Variants in COL5A3 observed in about 807,000 individuals in gnomAD.
COL5A3 encodes collagen alpha-3(V) chain.
COL5A3 carries 172 observed loss-of-function variants against 250.0 expected under a neutral mutation model. The ratio of observed to expected loss-of-function variants is 0.69; its 90% CI spans 0.61 to 0.78. COL5A3 has a LOEUF of 0.78. Among genes scored for constraint, COL5A3 ranks in the 30% least tolerant of loss-of-function variants. COL5A3 has a pLI of 0.00. For missense variants in COL5A3, 2,340 were observed against 2,334.4 expected (o/e 1.00, Z -0.05); for synonymous variants, 937 against 900.4 (o/e 1.04, Z -0.73).
At position 9,968,744 on chromosome 19, in the gene COL5A3, G is replaced by C. The variant is rs1342896126; in HGVS notation, c.4153-16C>G. On this transcript the variant is annotated splice_polypyrimidine_tract_variant and intron_variant, in intron 57 of 66. Transcript: ENST00000264828. The surrounding 1 kb of genome is among the most constrained non-coding windows in gnomAD (Gnocchi z 4.1). ...CAGAGGGCCCCTGGGAGAAGAGCAA[G>C]GGTCAGTTAGGGATTCTCAAATGTG... 6.2e-7 allele frequency: 1 copy of C among 1,604,928 alleles called. No individual in the cohort carries two copies. The highest frequency in any genetic ancestry group is 8.5e-7 in the Non-Finnish European group (1 of 1,176,434).
Position 9,960,817 on chromosome 19 carries a change from G to A in COL5A3, c.4925C>T (p.Thr1642Ile), listed in dbSNP as rs149242446. ...GGAGTAGGTGAAGTTCTGGCGAGCT[G>A]TGGCACTCAGCAGTTTCAGGAAGTT... ...QLNFLKLLSA[T>I]ARQNFTYSCQ... The change falls in exon 66 of 67, where the codon ACA becomes ATA. Residue 1642 changes from threonine to isoleucine, a missense_variant. Transcript: ENST00000264828. The A allele has an allele frequency of 4.7e-4, 759 of 1,613,402 alleles. 1 individual carries two copies. Among genetic ancestry groups the A allele is most frequent in the Non-Finnish European group, 4.9e-4 (575 of 1,180,048 alleles).
chr19:10,000,385 T>C (rs2087342349), intron 8 of COL5A3, among the ~76,000 whole-genome samples: 1 of 150,618 alleles, frequency 6.6e-6, no homozygotes, highest in Admixed American at 6.6e-5. Context: ...GACTGCAGAT[T>C]GCGGGCTTCC....
chr19:9,978,739 G>T (rs2086961165), intron 40 of COL5A3, 112 bp from the exon 41 acceptor site: 4 of 925,436 alleles, frequency 4.3e-6, no homozygotes, highest in East Asian at 2.9e-5. Context: ...TGGACACTGA[G>T]CTTTGAGGGG....
rs772907552 is a variant in COL5A3, at chr19:9,979,435, A to G, written c.2713-18T>C. The G allele has an allele frequency of 6.2e-7, 1 of 1,613,828 alleles. No homozygotes were observed. Among genetic ancestry groups the G allele is most frequent in the Non-Finnish European group, 8.5e-7 (1 of 1,179,808 alleles). On this transcript the variant is annotated intron_variant, in intron 37 of 66. Coordinates refer to ENST00000264828, the MANE Select transcript of COL5A3 (RefSeq NM_015719.4). ...TGGAAGCCCTAGAGAGAAAAATTAA[A>G]TGTGGGGGCGGTGTTACATGGGGAA... is the stretch of plus-strand genomic sequence containing the variant.
chr19:10,004,030 C>T lies in COL5A3; in HGVS notation c.699+11G>A. The stretch of plus-strand genomic sequence containing the variant: ...GTCCTGAGATTAGGAGTCATGGAGT[C>T]CCTCACTCACCACTGTGGCTGCCGG... On this transcript the variant is annotated intron_variant, in intron 5 of 66. Transcript: ENST00000264828. 6.3e-7 allele frequency: 1 copy of T among 1,598,074 alleles called. No individual in the cohort carries two copies. The highest frequency in any genetic ancestry group is 8.6e-7 in the Non-Finnish European group (1 of 1,165,318).
Position 9,982,943 on chromosome 19 carries a change from C to T in COL5A3, c.2407-825G>A, listed in dbSNP as rs372441949. ...CAATCATAGCTCACTGCAGCTTCAA[C>T]CTTTTGGGCTCAAGTGATCCTCCTA... On this transcript the variant is annotated intron_variant, in intron 31 of 66. Transcript: ENST00000264828. Among the ~76,000 whole-genome samples, 5 of 152,246 alleles carry T rather than the reference C, an allele frequency of 3.3e-5. 1 individual carries two copies. The highest frequency in any genetic ancestry group is 6.5e-5 in the Admixed American group (1 of 15,292).
chr19:9,960,778 G>A lies in COL5A3; in HGVS notation c.4964C>T (p.Ala1655Val). 1 of 1,614,068 alleles carries A rather than the reference G, an allele frequency of 6.2e-7. No homozygotes were observed. The highest frequency in any genetic ancestry group is 8.5e-7 in the Non-Finnish European group (1 of 1,180,038). ...QNFTYSCQNA[A>V]AWLDEATGDY... Reference sequence around the variant, plus strand: ...ACCCGTGGCTTCGTCCAGCCAGGCAGCTGCATTCTGGCAGGAGTAGGTGAA... The same window carrying A: ...ACCCGTGGCTTCGTCCAGCCAGGCAACTGCATTCTGGCAGGAGTAGGTGAA... The change falls in exon 66 of 67, where the codon GCT (alanine) becomes GTT (valine). Residue 1655 changes from alanine to valine, a missense_variant. Physicochemically the swap from Ala to Val is moderately conservative, Grantham distance 64 (BLOSUM62 0). Around this residue, in one of 3 missense-constraint regions of COL5A3, gnomAD observed 1,179 missense variants for 1,162.6 expected, o/e 1.01. Coordinates refer to ENST00000264828, the MANE Select transcript of COL5A3 (RefSeq NM_015719.4).
chr19:9,978,838 C>G (rs1312869790), intron 40 of COL5A3, 53 bp downstream of exon 40: 2 of 1,260,364 alleles, frequency 1.6e-6, no homozygotes, highest in African/African-American at 1.5e-5. Context: ...CCCTGACCCC[C>G]CCATCCTTTC....
At chr19:9,976,077 T>C (rs1599541374) in intron 45 of COL5A3, among the ~76,000 whole-genome samples, 1 of 150,498 alleles carries the variant, frequency 6.6e-6, no homozygotes, top group East Asian at 2.0e-4. Context: ...TCACATTGGG[T>C]GTCAGCATTG....
intron 31 of COL5A3, 46 bp from the exon 32 acceptor site, chr19:9,982,164 T>C: frequency 7.1e-7 from 1 of 1,401,328 alleles, no homozygotes; most frequent in Non-Finnish European, 9.8e-7. Context: ...GAGGAGTGAG[T>C]GGTGGGTGGA....
chr19:9,996,486 G>A lies in COL5A3; in HGVS notation c.1369C>T (p.Pro457Ser). ...TGGGCCTGCTGGAATGAGACTGGGGGGCCTTTAAAGGAGCCGCCTGCAAAC... is the reference window on the plus strand; with the variant it reads ...TGGGCCTGCTGGAATGAGACTGGGGAGCCTTTAAAGGAGCCGCCTGCAAAC... ...FQFAGGSFKG[P>S]PVSFQQAQAQ... The change falls in exon 13 of 67, where the codon CCC becomes TCC. Residue 457 changes from proline (P) to serine (S), a missense_variant. By Grantham distance (74) the Pro-to-Ser change is moderately conservative. Around this residue, in one of 3 missense-constraint regions of COL5A3, gnomAD observed 1,152 missense variants for 1,146.3 expected, o/e 1.00. Coordinates refer to ENST00000264828, the MANE Select transcript of COL5A3 (RefSeq NM_015719.4). The A allele has an allele frequency of 6.2e-7, 1 of 1,614,132 alleles. No homozygotes were observed.
At position 10,003,797 on chromosome 19, in the gene COL5A3, C is replaced by T; in HGVS notation, c.700-83G>A. 4 of 1,564,586 alleles carry T rather than the reference C, an allele frequency of 2.6e-6. 1 individual carries two copies. Among genetic ancestry groups the T allele is most frequent in the South Asian group, 2.3e-5 (2 of 87,914 alleles). ...CAGGTCACCTGGGGTGAGGCTGGCT[C>T]ATGGCCCGTGGGTCCTCACTCAGCC... On this transcript the variant is annotated intron_variant, in intron 5 of 66. Coordinates refer to ENST00000264828, the MANE Select transcript of COL5A3 (RefSeq NM_015719.4).
Position 10,005,969 on chromosome 19 carries a change from C to T in COL5A3, c.264G>A (p.Glu88=), listed in dbSNP as rs771688934. ...GCAAGGTGATCAGCAAGGAGAAGTT[C>T]TCAGGAAAGTGGCCTTCTGGGTGGG... ...WELFPEGHFP[E]NFSLLITLRG... is the part of the protein sequence containing the mutation. The change falls in exon 3 of 67, where the codon GAG becomes GAA. Residue 88 remains glutamate, a synonymous_variant. Coordinates refer to ENST00000264828, the MANE Select transcript of COL5A3 (RefSeq NM_015719.4). The T allele has an allele frequency of 1.2e-6, 2 of 1,613,612 alleles. No homozygotes were observed. Among genetic ancestry groups the T allele is most frequent in the South Asian group, 2.2e-5 (2 of 91,064 alleles).
Position 9,996,247 on chromosome 19 carries a change from G to T in COL5A3, c.1438C>A (p.Pro480Thr). ...LQQTQLSMKG[P>T]PGPVGLTGRP... is the part of the protein sequence containing the mutation. ...CCAGTGAGCCCCACTGGACCAGGGG[G>T]GCCTTTCATAGAGAGCTGGAAAGAC... Residue 480 changes from proline to threonine, a missense_variant, in exon 14 of 67, where the codon CCC becomes ACC. Physicochemically the swap from Pro to Thr is conservative, Grantham distance 38 (BLOSUM62 -1). Coordinates refer to ENST00000264828, the MANE Select transcript of COL5A3 (RefSeq NM_015719.4). 3 of 1,574,618 alleles carry T rather than the reference G, an allele frequency of 1.9e-6. No individual in the cohort carries two copies. The highest frequency in any genetic ancestry group is 1.4e-5 in the African/African-American group (1 of 73,180).
At chr19:9,988,833 CAAAAAAAAAAAAA>C (rs67181648) in intron 27 of COL5A3, among the ~76,000 whole-genome samples, 1 of 39,428 alleles carries the variant, frequency 2.5e-5, no homozygotes, top group Non-Finnish European at 4.3e-5. Flanking sequence ...GACTCTGTCT[CAAAAAAAAAAAAA>C]AAAAAAAAAA....
chr19:9,993,529 G>T, intron 18 of COL5A3, 90 bp downstream of exon 18: 2 of 1,575,030 alleles, frequency 1.3e-6, no homozygotes, highest in Non-Finnish European at 1.7e-6. Context: ...GGGACACAGG[G>T]ATCATGACTC....
chr19:9,973,572 G>T lies in COL5A3; in HGVS notation c.3664C>A (p.Pro1222Thr), dbSNP rs144879118. 2.4e-5 allele frequency: 38 copies of T among 1,611,946 alleles called. No homozygotes were observed. In the African/African-American group the frequency reaches 3.2e-4, roughly 14 times the overall value. ...DPGPPGAPGIPGPKGDIGEKG... is the reference protein window; with the variant it reads ...DPGPPGAPGITGPKGDIGEKG... ...GACCACATCACACAGTCACTCACCG[G>T]GATGCCTGGGGCTCCTGGAGGCCCT... is the stretch of plus-strand genomic sequence containing the variant. Residue 1222 changes from proline (P) to threonine (T), a missense_variant and splice_region_variant, in exon 50 of 67, where the codon CCG becomes ACG. This residue lies in a region of COL5A3 where 1,179 missense variants were observed against 1,162.6 expected (regional missense o/e 1.01). Transcript: ENST00000264828.
intron 13 of COL5A3, 47 bp from the exon 14 acceptor site, chr19:9,996,309 C>T (rs1346939290): frequency 1.3e-6 from 2 of 1,547,562 alleles, no homozygotes; most frequent in East Asian, 4.5e-5. Context: ...ACAAGACCCC[C>T]AACATTCCCC....
In COL5A3 at chr19:9,972,903, TC is replaced by T. The variant is rs1568410064; in HGVS notation, c.3774+15del. 6 of 1,548,798 alleles carry T rather than the reference TC, an allele frequency of 3.9e-6. No homozygotes were observed. The highest frequency in any genetic ancestry group is 2.0e-5 in the Admixed American group (1 of 49,256). On this transcript the variant is annotated intron_variant, in intron 51 of 66. Coordinates refer to ENST00000264828, the MANE Select transcript of COL5A3 (RefSeq NM_015719.4). ...GCCCCCTCCCATGTCTGCCCCCACT[TC>T]CCCCCAGGACTCACCACGCTCCCTT... is the stretch of plus-strand genomic sequence containing the variant.
Sources: gnomAD v4.1 joint callset for allele counts (sites outside exome capture counted in the v4.1 genomes callset) on GRCh38, gnomAD v4.1.1 for gene constraint, gnomAD v4.1.1 regional missense constraint, Gnocchi (gnomAD v3.1) non-coding constraint, MANE v1.5 for transcripts, NCBI Gene and HGNC (gene_info 2026-07-23, HGNC 2026-07-21) for gene names.